The following AP3S1 variants were observed in gnomAD, a reference collection of about 807,000 sequenced individuals.
The protein encoded by AP3S1 is adaptor related protein complex 3 subunit sigma 1.
A neutral mutation model predicts 21.3 loss-of-function variants in AP3S1; 12 were observed. That is an observed-to-expected ratio of 0.56 (90% CI 0.36 to 0.91). The LOEUF is 0.91. AP3S1 is among the 40% of genes least tolerant of loss of function. AP3S1 has a pLI of 0.01. For missense variants in AP3S1, 116 were observed against 225.0 expected, an observed-to-expected ratio of 0.52 and a Z score of 3.10; for synonymous variants, 48 against 78.4, an observed-to-expected ratio of 0.61 and a Z score of 2.05.
intron 3 of AP3S1, among the ~76,000 whole-genome samples, chr5:115,894,032 C>A (rs1750542024): frequency 1.3e-5 from 2 of 152,118 alleles, no homozygotes; most frequent in Non-Finnish European, 2.9e-5. Context: ...TCATCAGGAT[C>A]ATCTCAATGA....
chr5:115,904,520 A>G (rs1751481014), intron 5 of AP3S1, among the ~76,000 whole-genome samples: 1 of 152,190 alleles, frequency 6.6e-6, no homozygotes, highest in African/African-American at 2.4e-5. Flanking sequence ...GGTTTCCCAA[A>G]GGAGAAGTTT....
chr5:115,864,233 C>T (rs1174489941), intron 1 of AP3S1, among the ~76,000 whole-genome samples: 2 of 152,106 alleles, frequency 1.3e-5, no homozygotes, highest in Non-Finnish European at 2.9e-5. Flanking sequence ...GGATGAGAAC[C>T]CCTTTTCTGG....
intron 1 of AP3S1, among the ~76,000 whole-genome samples, chr5:115,860,877 T>C (rs886741146): frequency 1.3e-5 from 2 of 152,210 alleles, no homozygotes; most frequent in African/African-American, 2.4e-5. Flanking sequence ...TTAACTTCTG[T>C]ACCATACTGC....
intron 1 of AP3S1, among the ~76,000 whole-genome samples, chr5:115,851,084 T>C (rs1435475579): frequency 6.6e-6 from 1 of 152,216 alleles, no homozygotes; most frequent in Non-Finnish European, 1.5e-5. Context: ...TTTCAATAGA[T>C]AAATATTTCT....
intron 2 of AP3S1, among the ~76,000 whole-genome samples, chr5:115,869,380 G>A (rs1748017955): frequency 6.6e-6 from 1 of 152,026 alleles, no homozygotes; most frequent in Non-Finnish European, 1.5e-5. Flanking sequence ...TTACTGTGAC[G>A]TATGGAGTTA....
chr5:115,847,904 T>C (rs1762174476), intron 1 of AP3S1, among the ~76,000 whole-genome samples: 1 of 152,208 alleles, frequency 6.6e-6, no homozygotes, highest in Non-Finnish European at 1.5e-5. Flanking sequence ...GTTTTCCTTA[T>C]ATCAAAGTAT....
At chr5:115,868,795 T>G (rs1424736933) in intron 2 of AP3S1, among the ~76,000 whole-genome samples, 2 of 151,506 alleles carry the variant, frequency 1.3e-5, no homozygotes, top group Non-Finnish European at 1.5e-5. Context: ...GGCAGGAGAA[T>G]TGCTTGAAGC....
At chr5:115,852,999 A>C (rs1377921946) in intron 1 of AP3S1, 1 of 454,082 alleles carries the variant, frequency 2.2e-6, no homozygotes, top group Non-Finnish European at 4.4e-6. Context: ...TGGGAGTAAA[A>C]TTGCCAAATC....
chr5:115,898,104 G>A (rs1750913400), intron 4 of AP3S1, among the ~76,000 whole-genome samples: 1 of 152,064 alleles, frequency 6.6e-6, no homozygotes, highest in Non-Finnish European at 1.5e-5. Context: ...TGTCATTTTG[G>A]GATCCATGGT....
intron 2 of AP3S1, among the ~76,000 whole-genome samples, chr5:115,869,225 A>G (rs1380235612): frequency 1.3e-5 from 2 of 152,214 alleles, no homozygotes; most frequent in Non-Finnish European, 2.9e-5. Context: ...TTCATGAAAG[A>G]GTTTAGTATC....
intron 3 of AP3S1, among the ~76,000 whole-genome samples, chr5:115,888,307 T>G (rs893891122): frequency 9.2e-5 from 14 of 152,170 alleles, no homozygotes; most frequent in African/African-American, 3.4e-4. Flanking sequence ...TTTATTGTTG[T>G]TATGGTTAGA....
chr5:115,852,547 C>G (rs1356514678), intron 1 of AP3S1, among the ~76,000 whole-genome samples: 1 of 152,136 alleles, frequency 6.6e-6, no homozygotes, highest in East Asian at 1.9e-4. Flanking sequence ...GTTGTGCAAC[C>G]ATCGCCACAA....
intron 1 of AP3S1, among the ~76,000 whole-genome samples, chr5:115,844,831 C>T (rs908712243): frequency 7.2e-5 from 11 of 152,160 alleles, no homozygotes; most frequent in African/African-American, 2.7e-4. Flanking sequence ...TTCTCGTTCA[C>T]AGCCTATAAT....
chr5:115,905,646 T>C (rs1052725351), intron 5 of AP3S1, among the ~76,000 whole-genome samples: 2 of 152,212 alleles, frequency 1.3e-5, no homozygotes, highest in African/African-American at 2.4e-5. Flanking sequence ...TTCGTAGCTT[T>C]TGTATATTTT....
chr5:115,890,377 A>G (rs1215081677), intron 3 of AP3S1, among the ~76,000 whole-genome samples: 1 of 152,170 alleles, frequency 6.6e-6, no homozygotes, highest in South Asian at 2.1e-4. Context: ...AAAAATAACA[A>G]TGAATAAAAG....
chr5:115,906,887 A>G (rs1751697275), intron 5 of AP3S1: 2 of 1,481,128 alleles, frequency 1.4e-6, no homozygotes, highest in Non-Finnish European at 8.9e-7. Context: ...AGAAATATGT[A>G]CTATAACAAA....
At position 115,842,214 on chromosome 5, in the gene AP3S1, T is replaced by A; in HGVS notation, c.69+108T>A. ...CCCCTCCGGCGCGCTGCGGCCCTTG[T>A]CCCGTCCCGGCCGCCTGGCGCTCGC... On this transcript the variant is annotated intron_variant, in intron 1 of 5. Coordinates refer to ENST00000316788, the MANE Select transcript of AP3S1 (RefSeq NM_001284.4). The A allele has an allele frequency of 5.0e-6, 7 of 1,411,320 alleles. 1 individual carries two copies. The South Asian group carries it at 1.1e-4, about 21-fold the overall frequency. 87.4% of individuals were successfully genotyped at this position (1,411,320 alleles called of 1,614,324 possible). A position where few individuals can be genotyped will look rare whatever the true frequency, so the allele number is the denominator to read the frequency against.
intron 2 of AP3S1, among the ~76,000 whole-genome samples, chr5:115,866,972 T>G (rs1486117921): frequency 3.3e-5 from 5 of 152,118 alleles, no homozygotes; most frequent in Admixed American, 6.5e-5. Flanking sequence ...GAAGGGAATT[T>G]TATATAAAGG....
intron 1 of AP3S1, among the ~76,000 whole-genome samples, chr5:115,862,191 T>C (rs1013309514): frequency 1.1e-4 from 16 of 152,156 alleles, no homozygotes; most frequent in African/African-American, 3.9e-4. Context: ...GGTTAAGAGA[T>C]TTTTTTTATG....
Sources: allele counts gnomAD v4.1 joint callset (sites outside exome capture counted in the v4.1 genomes callset), GRCh38; gene constraint gnomAD v4.1.1; transcripts MANE v1.5; gene names NCBI Gene and HGNC (gene_info 2026-07-23, HGNC 2026-07-21).